The following HMGCS2 variants were observed in gnomAD, a reference collection of about 807,000 sequenced individuals.
HMGCS2 encodes 3-hydroxy-3-methylglutaryl-CoA synthase 2.
In HMGCS2, 50 loss-of-function variants were observed where a neutral mutation model predicts 57.4. The ratio of observed to expected loss-of-function variants is 0.87; its 90% CI spans 0.69 to 1.10. HMGCS2 has a LOEUF of 1.10. Ranked by LOEUF, HMGCS2 falls within the 50% of genes least tolerant of loss-of-function variation. HMGCS2 has a pLI of 0.00. For synonymous variants in HMGCS2, 254 were observed against 245.1 expected (o/e 1.04, Z -0.34); for missense variants, 627 against 636.5 (o/e 0.99, Z 0.16).
Position 119,755,543 on chromosome 1 carries a change from T to C in HMGCS2, c.1071A>G (p.Leu357=). 6.2e-7 allele frequency: 1 copy of C among 1,614,164 alleles called. No homozygotes were observed. The highest frequency in any genetic ancestry group is 2.2e-5 in the East Asian group (1 of 44,872). The stretch of plus-strand genomic sequence containing the variant: ...TGTCGAACATGTCCTGAGAGGCCTT[T>C]AGAAGTGCTTTATCCAGGTCCTTGT... ...YTNKDLDKAL[L]KASQDMFDKK... The change falls in exon 6 of 10, where the codon CTA becomes CTG. Residue 357 remains leucine (L), a synonymous_variant. Coordinates refer to ENST00000369406, the MANE Select transcript of HMGCS2 (RefSeq NM_005518.4).
At chr1:119,763,576 C>A (rs2101271218) in intron 2 of HMGCS2, among the ~76,000 whole-genome samples, 1 of 152,278 alleles carries the variant, frequency 6.6e-6, no homozygotes, top group Admixed American at 6.5e-5. Flanking sequence ...CTTGCTGTAA[C>A]AACAGGGGTT....
intron 5 of HMGCS2, among the ~76,000 whole-genome samples, chr1:119,756,080 T>G (rs651347): frequency 0.66 from 100,860 of 151,848 alleles, 33,676 homozygotes; most frequent in Middle Eastern, 0.82. Flanking sequence ...GAGCCCAAAG[T>G]TTGCACATCT....
chr1:119,764,436 G>C lies in HMGCS2; in HGVS notation c.295C>G (p.Gln99Glu). The change falls in exon 2 of 10, where the codon CAA (glutamine) becomes GAA (glutamate). Residue 99 changes from glutamine to glutamate, a missense_variant. Gln to Glu is a conservative substitution (Grantham distance 29). Coordinates refer to ENST00000369406, the MANE Select transcript of HMGCS2 (RefSeq NM_005518.4). Reference sequence around the variant, plus strand: ...AGGCACAGGGAGTTGATGTCCTCTTGGACTGAGCAGAAGCCCATACGGGTC... The same window carrying C: ...AGGCACAGGGAGTTGATGTCCTCTTCGACTGAGCAGAAGCCCATACGGGTC... The part of the protein sequence containing the change: ...GQTRMGFCSV[Q>E]EDINSLCLTV... The C allele has an allele frequency of 6.2e-7, 1 of 1,614,088 alleles. No homozygotes were observed. Among genetic ancestry groups the C allele is most frequent in the Non-Finnish European group, 8.5e-7 (1 of 1,179,950 alleles).
chr1:119,753,246 T>C (rs1471092072), intron 7 of HMGCS2, 34 bp downstream of exon 7: 1 of 1,283,258 alleles, frequency 7.8e-7, no homozygotes, highest in Non-Finnish European at 1.1e-6. Flanking sequence ...AGATGAATCT[T>C]GTCAGGAAGG....
Position 119,764,350 on chromosome 1 carries a change from C to T in HMGCS2, c.381G>A (p.Leu127=), listed in dbSNP as rs587616028. Residue 127 remains leucine, a synonymous_variant, in exon 2 of 10, where the codon CTG becomes CTA. Transcript: ENST00000369406. ...CAATGATGGTCTCAGTGCCTACTTC[C>T]AGCCTGCCCACAGAGTCCCATGGGA... ...IQLPWDSVGR[L]EVGTETIIDK... 1.2e-6 allele frequency: 2 copies of T among 1,614,240 alleles called. No individual in the cohort carries two copies. The highest frequency in any genetic ancestry group is 1.7e-6 in the Non-Finnish European group (2 of 1,180,042).
Position 119,758,809 on chromosome 1 carries a change from A to G in HMGCS2, c.850+309T>C, listed in dbSNP as rs1441010. Among the ~76,000 whole-genome samples the G allele has an allele frequency of 0.53, 80,271 of 152,138 alleles. 21,560 individuals carry two copies. Among genetic ancestry groups the G allele is most frequent in the Middle Eastern group, 0.67 (197 of 294 alleles). ...CAAATGCCAACCACTGTCGAATGTG[A>G]CTGCCCAGCCTCTTAACACCATCTT... is the stretch of plus-strand genomic sequence containing the variant. On this transcript the variant is annotated intron_variant, in intron 4 of 9. Coordinates refer to ENST00000369406, the MANE Select transcript of HMGCS2 (RefSeq NM_005518.4).
chr1:119,759,679 G>A (rs779725979), intron 3 of HMGCS2, among the ~76,000 whole-genome samples, 185 bp downstream of exon 3: 75 of 152,128 alleles, frequency 4.9e-4, no homozygotes, highest in Non-Finnish European at 8.7e-4. Context: ...AGGAAGCCTC[G>A]CGGATTCCCC....
In HMGCS2 at chr1:119,752,737, G is replaced by A. The variant is rs112004793; in HGVS notation, c.1295-63C>T. 862 of 1,586,356 alleles carry A rather than the reference G, an allele frequency of 5.4e-4. 5 individuals are homozygous for A. In the African/African-American group the frequency reaches 0.01, roughly 19 times the overall value. On this transcript the variant is annotated intron_variant, in intron 7 of 9. Coordinates refer to ENST00000369406, the MANE Select transcript of HMGCS2 (RefSeq NM_005518.4). ...TGTCATTATCACTATTGCCAATCAC[G>A]AGTTCAACAGAGAGCCAGGTTCTGT... is the stretch of plus-strand genomic sequence containing the variant.
chr1:119,759,917 GC>G lies in HMGCS2; in HGVS notation c.631del (p.Ala211ProfsTer7), dbSNP rs746333616. On this transcript the variant is annotated frameshift_variant, in exon 3 of 10. Coordinates refer to ENST00000369406, the MANE Select transcript of HMGCS2 (RefSeq NM_005518.4). LOFTEE classifies it high-confidence loss of function. The part of the protein sequence containing the change: ...PSGNARPTGG[A>X]GAVAMLIGPK... ...CCCAATCAGCATAGCCACAGCTCCG[GC>G]CCCACCTGTGGGACGAGCATTACCA... 6.2e-7 allele frequency: 1 copy of G among 1,614,134 alleles called. No individual in the cohort carries two copies. Among genetic ancestry groups the G allele is most frequent in the South Asian group, 1.1e-5 (1 of 91,084 alleles).
intron 5 of HMGCS2, among the ~76,000 whole-genome samples, chr1:119,756,671 T>C (rs1423389964): frequency 6.6e-6 from 1 of 152,254 alleles, no homozygotes; most frequent in Non-Finnish European, 1.5e-5. Flanking sequence ...AACAGCATTC[T>C]TTCTGCTTTT....
intron 3 of HMGCS2, among the ~76,000 whole-genome samples, 176 bp downstream of exon 3, chr1:119,759,688 C>G (rs753835045): frequency 2.2e-4 from 33 of 152,204 alleles, no homozygotes; most frequent in Non-Finnish European, 4.0e-4. Flanking sequence ...CGCGGATTCC[C>G]CTCTCCCATT....
At chr1:119,757,501 C>G in intron 4 of HMGCS2, 63 bp from the exon 5 acceptor site, 3 of 1,611,926 alleles carry the variant, frequency 1.9e-6, no homozygotes, top group Admixed American at 1.7e-5. Context: ...GATATCCTCC[C>G]TGAGATTTAA....
intron 7 of HMGCS2, 33 bp downstream of exon 7, chr1:119,753,247 G>T: frequency 7.7e-7 from 1 of 1,299,840 alleles, no homozygotes; most frequent in Non-Finnish European, 1.1e-6. Context: ...GATGAATCTT[G>T]TCAGGAAGGC....
intron 5 of HMGCS2, among the ~76,000 whole-genome samples, chr1:119,756,663 C>A (rs934956442): frequency 9.2e-5 from 14 of 152,306 alleles, no homozygotes; most frequent in Middle Eastern, 3.4e-3. Flanking sequence ...AATCAATAAA[C>A]AGCATTCTTT....
chr1:119,758,001 T>C (rs929536893), intron 4 of HMGCS2, among the ~76,000 whole-genome samples: 1 of 152,242 alleles, frequency 6.6e-6, no homozygotes, highest in Admixed American at 6.5e-5. Flanking sequence ...GAAGACAGAC[T>C]GAGGCAGAGA....
rs1652734127 is a variant in HMGCS2, at chr1:119,753,533, T to G, written c.1188-147A>C. On this transcript the variant is annotated intron_variant, in intron 6 of 9. Coordinates refer to ENST00000369406, the MANE Select transcript of HMGCS2 (RefSeq NM_005518.4). ...CTTCTCCCTGTCTACCTCATGCAACTAGAAATGGGTTCCAGGCACCCTACA... is the reference window on the plus strand; with the variant it reads ...CTTCTCCCTGTCTACCTCATGCAACGAGAAATGGGTTCCAGGCACCCTACA... 5 of 633,212 alleles carry G rather than the reference T, an allele frequency of 7.9e-6. No homozygotes were observed. In the South Asian group the frequency reaches 9.9e-5, roughly 13 times the overall value. 39.2% of individuals were successfully genotyped at this position (633,212 alleles called of 1,614,324 possible).
At chr1:119,767,944 T>C (rs1279458097) in intron 1 of HMGCS2, among the ~76,000 whole-genome samples, 1 of 152,208 alleles carries the variant, frequency 6.6e-6, no homozygotes, top group Non-Finnish European at 1.5e-5. Flanking sequence ...ACCATGCACA[T>C]CTATACACCC....
At chr1:119,763,089 C>G (rs1263146938) in intron 2 of HMGCS2, among the ~76,000 whole-genome samples, 1 of 152,096 alleles carries the variant, frequency 6.6e-6, no homozygotes, top group Non-Finnish European at 1.5e-5. Context: ...ACTGGACCAT[C>G]CCATGTCAGT....
chr1:119,759,011 G>T, intron 4 of HMGCS2, 107 bp downstream of exon 4: 1 of 1,106,706 alleles, frequency 9.0e-7, no homozygotes, highest in Non-Finnish European at 1.4e-6. Context: ...CAATTCTCTT[G>T]ACATTATTTT....
Sources: allele counts gnomAD v4.1 joint callset (sites outside exome capture counted in the v4.1 genomes callset), GRCh38; gene constraint gnomAD v4.1.1; transcripts MANE v1.5; gene names NCBI Gene and HGNC (gene_info 2026-07-23, HGNC 2026-07-21).